Variants in VPS13B observed in about 807,000 individuals in gnomAD.
VPS13B encodes the protein intermembrane lipid transfer protein VPS13B.
VPS13B carries 285 observed loss-of-function variants against 426.4 expected under a neutral mutation model. The observed-to-expected ratio is 0.67, with a 90% CI of 0.61 to 0.74. The LOEUF is 0.74. Among genes scored for constraint, VPS13B ranks in the 30% least tolerant of loss-of-function variants. The pLI, the probability that VPS13B is intolerant of heterozygous loss-of-function variation, is 0.00. For missense variants in VPS13B, 4,537 were observed against 4,782.6 expected (o/e 0.95, Z 1.51); for synonymous variants, 1,676 against 1,676.4 (o/e 1.00, Z 0.01).
chr8:99,665,927 G>T (rs1284724591), intron 35 of VPS13B, among the ~76,000 whole-genome samples: 1 of 152,040 alleles, frequency 6.6e-6, no homozygotes, highest in Non-Finnish European at 1.5e-5. Flanking sequence ...CCATTTTCAC[G>T]ATATTGATTC....
intron 22 of VPS13B, among the ~76,000 whole-genome samples, chr8:99,435,468 G>C (rs529759737): frequency 6.6e-6 from 1 of 152,210 alleles, no homozygotes; most frequent in East Asian, 1.9e-4. Context: ...AAGATTCCAA[G>C]TAATATCAGA....
chr8:99,801,447 A>G (rs1309737588), intron 43 of VPS13B, among the ~76,000 whole-genome samples: 1 of 152,162 alleles, frequency 6.6e-6, no homozygotes, highest in Admixed American at 6.5e-5. Flanking sequence ...CTTTGTTTCT[A>G]ACACAGTCGG....
At chr8:99,563,004 A>G (rs771436394) in intron 31 of VPS13B, among the ~76,000 whole-genome samples, 2 of 152,162 alleles carry the variant, frequency 1.3e-5, no homozygotes, top group Middle Eastern at 3.4e-3. Flanking sequence ...CAACAACACA[A>G]TTTTTTTAAT....
At chr8:99,619,980 GT>G (rs934460487) in intron 33 of VPS13B, among the ~76,000 whole-genome samples, 14 of 150,070 alleles carry the variant, frequency 9.3e-5, no homozygotes, top group African/African-American at 2.7e-4. Context: ...GTTATTAATG[GT>G]TTTTTTTTAC....
intron 8 of VPS13B, 54 bp from the exon 9 acceptor site, chr8:99,134,578 T>G (rs1809972949): frequency 7.3e-7 from 1 of 1,367,464 alleles, no homozygotes; most frequent in Non-Finnish European, 1.0e-6. Context: ...ATAATGACAA[T>G]TTATTGCTCT....
intron 35 of VPS13B, among the ~76,000 whole-genome samples, chr8:99,677,467 G>A (rs1418510696): frequency 6.6e-6 from 1 of 152,234 alleles, no homozygotes; most frequent in South Asian, 2.1e-4. Context: ...CTTGATGTCA[G>A]AATGTCAACT....
chr8:99,431,327 C>T (rs770663675), intron 21 of VPS13B, among the ~76,000 whole-genome samples: 2 of 152,132 alleles, frequency 1.3e-5, no homozygotes, highest in Non-Finnish European at 2.9e-5. Context: ...TGAATGCTCT[C>T]CTGACTTCTA....
At chr8:99,362,734 G>C (rs1812638332) in intron 19 of VPS13B, among the ~76,000 whole-genome samples, 1 of 152,096 alleles carries the variant, frequency 6.6e-6, no homozygotes, top group African/African-American at 2.4e-5. Context: ...CATTTATGTT[G>C]CTTCCAAATC....
intron 21 of VPS13B, among the ~76,000 whole-genome samples, chr8:99,410,573 T>A (rs955518333): frequency 4.6e-5 from 7 of 151,208 alleles, no homozygotes; most frequent in Non-Finnish European, 8.9e-5. Flanking sequence ...TTTATTTATT[T>A]ATTATTATAA....
In VPS13B at chr8:99,481,320, C is replaced by T. The variant is rs1024902579; in HGVS notation, c.3667-279C>T. On this transcript the variant is annotated intron_variant, in intron 24 of 61. Transcript: ENST00000357162. ...TGGTTGAGAGGCATTTGTATGTGTTCTATTGTTCACATATTGAAATCAATC... is the reference window on the plus strand; with the variant it reads ...TGGTTGAGAGGCATTTGTATGTGTTTTATTGTTCACATATTGAAATCAATC... Among the ~76,000 whole-genome samples the T allele has an allele frequency of 7.9e-5, 12 of 152,132 alleles. No individual in the cohort carries two copies. In the South Asian group the frequency reaches 8.3e-4, roughly 11 times the overall value.
chr8:99,283,420 T>G (rs1312624994), intron 19 of VPS13B, among the ~76,000 whole-genome samples: 1 of 152,202 alleles, frequency 6.6e-6, no homozygotes, highest in Admixed American at 6.6e-5. Context: ...AAAAATCTTA[T>G]CCTCTTGATG....
At chr8:99,567,340 A>G (rs1156514248) in intron 31 of VPS13B, among the ~76,000 whole-genome samples, 1 of 152,172 alleles carries the variant, frequency 6.6e-6, no homozygotes, top group Non-Finnish European at 1.5e-5. Flanking sequence ...AATTGAATTA[A>G]GTTAATATTT....
At chr8:99,148,520 T>TTA (rs1810874761) in intron 14 of VPS13B, among the ~76,000 whole-genome samples, 3 of 152,208 alleles carry the variant, frequency 2.0e-5, no homozygotes. Flanking sequence ...CTTGAGAGTG[T>TTA]ATAAAGAAAT....
At chr8:99,293,613 A>G (rs1336069349) in intron 19 of VPS13B, among the ~76,000 whole-genome samples, 15 of 139,258 alleles carry the variant, frequency 1.1e-4, no homozygotes, top group Admixed American at 5.1e-4. Context: ...GCAACCTACA[A>G]CATGGGAGAA....
At chr8:99,352,112 T>A (rs1197829377) in intron 19 of VPS13B, among the ~76,000 whole-genome samples, 1 of 152,204 alleles carries the variant, frequency 6.6e-6, no homozygotes, top group Non-Finnish European at 1.5e-5. Flanking sequence ...GCCCTCCTCC[T>A]GTGGAATCAT....
chr8:99,675,632 G>A (rs558994972), intron 35 of VPS13B, among the ~76,000 whole-genome samples: 18 of 151,852 alleles, frequency 1.2e-4, no homozygotes, highest in African/African-American at 3.6e-4. Flanking sequence ...AGCTTTCTTC[G>A]TTCCTTTACT....
At chr8:99,090,605 G>T (rs952808437) in intron 3 of VPS13B, among the ~76,000 whole-genome samples, 12 of 151,920 alleles carry the variant, frequency 7.9e-5, no homozygotes, top group Non-Finnish European at 1.8e-4. Flanking sequence ...GTTTACATAG[G>T]TTTTGTTATT....
At chr8:99,598,760 C>A (rs560222701) in intron 33 of VPS13B, among the ~76,000 whole-genome samples, 73 of 152,068 alleles carry the variant, frequency 4.8e-4, no homozygotes, top group African/African-American at 1.6e-3. Context: ...CTCCACTTAA[C>A]CACTTGGTTT....
chr8:99,372,847 A>G (rs201486427), intron 19 of VPS13B, among the ~76,000 whole-genome samples: 3 of 152,352 alleles, frequency 2.0e-5, no homozygotes, highest in East Asian at 3.9e-4. Flanking sequence ...TCATTCTACT[A>G]TAAAGACACA....
Sources: gnomAD v4.1 joint callset for allele counts (sites outside exome capture counted in the v4.1 genomes callset) on GRCh38, gnomAD v4.1.1 for gene constraint, MANE v1.5 for transcripts, NCBI Gene and HGNC (gene_info 2026-07-23, HGNC 2026-07-21) for gene names.